SMCO4: variants seen among roughly 807,000 people sequenced by gnomAD.
SMCO4 encodes the protein single-pass membrane and coiled-coil domain-containing protein 4.
SMCO4 carries 4 observed loss-of-function variants against 3.6 expected under a neutral mutation model. The ratio of observed to expected loss-of-function variants is 1.11; its 90% CI spans 0.54 to 2.53. The LOEUF is 2.53. Ranked by LOEUF, SMCO4 falls within the 30% of genes most tolerant of loss-of-function variation. The probability of loss-of-function intolerance (pLI) is 0.02; values close to 1 mark genes in which losing one functional copy is unlikely to be tolerated. For synonymous variants in SMCO4, 36 were observed against 35.3 expected (o/e 1.02, Z -0.07); for missense variants, 70 against 80.8 (o/e 0.87, Z 0.51).
At chr11:93,551,160 G>A in the SMCO4 span, among the ~76,000 whole-genome samples, 2 of 151,880 alleles carry the variant, frequency 1.3e-5, no homozygotes, top group South Asian at 2.1e-4. Flanking sequence ...TCAGTGGAGA[G>A]AAAAAATGTA....
chr11:93,510,811 A>C (rs917236964), intron 1 of SMCO4, among the ~76,000 whole-genome samples: 4 of 152,172 alleles, frequency 2.6e-5, no homozygotes, highest in Non-Finnish European at 4.4e-5. Context: ...ATTAAAAGAC[A>C]AAAACAGGCC....
intron 2 of SMCO4, chr11:93,481,509 C>T (rs1948592684): frequency 1.0e-6 from 1 of 985,276 alleles, no homozygotes; most frequent in Admixed American, 6.2e-5. Context: ...CGAATTCGTG[C>T]TAGCTGACAT....
chr11:93,551,394 A>G, the SMCO4 span, among the ~76,000 whole-genome samples: 1 of 152,208 alleles, frequency 6.6e-6, no homozygotes, highest in South Asian at 2.1e-4. Flanking sequence ...TGTCTCGGAC[A>G]ATGATCAGGA....
At chr11:93,552,648 T>C in the SMCO4 span, among the ~76,000 whole-genome samples, 2 of 151,244 alleles carry the variant, frequency 1.3e-5, no homozygotes, top group African/African-American at 4.9e-5. Flanking sequence ...ATTTTTGTAT[T>C]TTTAGTAGAG....
chr11:93,505,038 T>A (rs1287334757), intron 1 of SMCO4, among the ~76,000 whole-genome samples: 1 of 152,212 alleles, frequency 6.6e-6, no homozygotes, highest in Non-Finnish European at 1.5e-5. Context: ...TTATTAAACA[T>A]GAGGCACTAA....
intron 1 of SMCO4, among the ~76,000 whole-genome samples, chr11:93,513,003 G>A (rs1037617329): frequency 2.0e-5 from 3 of 152,188 alleles, no homozygotes; most frequent in African/African-American, 7.2e-5. Flanking sequence ...GGCCCGAGAG[G>A]TGTGGGGAAA....
chr11:93,536,409 C>T (rs1376179446), intron 1 of SMCO4, among the ~76,000 whole-genome samples: 1 of 152,064 alleles, frequency 6.6e-6, no homozygotes, highest in East Asian at 1.9e-4. Context: ...CAGTAGGGGA[C>T]CAATTCATAA....
At chr11:93,501,759 GCCAA>G (rs1591312001) in intron 1 of SMCO4, among the ~76,000 whole-genome samples, 1 of 152,250 alleles carries the variant, frequency 6.6e-6, no homozygotes, top group East Asian at 1.9e-4. Context: ...CCACCATTTA[GCCAA>G]CTACGGCGGG....
intron 1 of SMCO4, among the ~76,000 whole-genome samples, chr11:93,522,311 G>C (rs1307240994): frequency 6.6e-6 from 1 of 152,132 alleles, no homozygotes; most frequent in Non-Finnish European, 1.5e-5. Context: ...TCCAGATCTT[G>C]GTCTATAAAA....
chr11:93,541,782 T>A (rs1949273285), intron 1 of SMCO4, among the ~76,000 whole-genome samples: 1 of 152,356 alleles, frequency 6.6e-6, no homozygotes. Context: ...TCATATTTTA[T>A]TTTAAATCTA....
At chr11:93,495,679 G>A (rs1043248700) in intron 2 of SMCO4, among the ~76,000 whole-genome samples, 1 of 152,166 alleles carries the variant, frequency 6.6e-6, no homozygotes, top group Non-Finnish European at 1.5e-5. Context: ...GGTGGGGGAT[G>A]GGGAGGTTGC....
intron 2 of SMCO4, chr11:93,481,340 G>T: frequency 1.4e-6 from 1 of 708,776 alleles, no homozygotes; most frequent in African/African-American, 1.9e-5. Context: ...GTACAGGTGG[G>T]CTGAGACATC....
chr11:93,481,363 C>T lies in SMCO4; in HGVS notation c.-80-2094G>A, dbSNP rs570980753. On this transcript the variant is annotated intron_variant, in intron 2 of 2. Transcript: ENST00000298966. ...GGGCTGAGACATCTCCACCCATACC[C>T]GTGGGCGGCCCAGGGACGGGTGCAC... is the stretch of plus-strand genomic sequence containing the variant. 4.3e-6 allele frequency: 4 copies of T among 921,562 alleles called. No individual in the cohort carries two copies. In the East Asian group the frequency reaches 3.5e-4, roughly 81 times the overall value. The allele number at this position is 921,562 out of a possible 1,614,324, so 57.1% of individuals were successfully genotyped here.
intron 1 of SMCO4, among the ~76,000 whole-genome samples, chr11:93,511,114 C>T (rs1171502717): frequency 6.6e-6 from 1 of 151,924 alleles, no homozygotes; most frequent in Non-Finnish European, 1.5e-5. Flanking sequence ...GGGACAAAAA[C>T]AAAAAGCCCA....
intron 2 of SMCO4, among the ~76,000 whole-genome samples, chr11:93,485,899 G>C (rs944650767): frequency 3.5e-4 from 53 of 152,312 alleles, no homozygotes; most frequent in African/African-American, 1.2e-3. Context: ...ATTCAGTAAA[G>C]TATGCTGTTG....
intron 1 of SMCO4, among the ~76,000 whole-genome samples, chr11:93,515,584 G>A (rs1949001200): frequency 6.6e-6 from 1 of 152,156 alleles, no homozygotes; most frequent in Non-Finnish European, 1.5e-5. Flanking sequence ...GGCCAGACAG[G>A]AGGGAATTTC....
intron 1 of SMCO4, among the ~76,000 whole-genome samples, chr11:93,518,260 T>C (rs947501390): frequency 7.2e-5 from 11 of 152,246 alleles, no homozygotes; most frequent in African/African-American, 2.2e-4. Flanking sequence ...TTTATGCAAG[T>C]TGTGGCATAC....
intron 2 of SMCO4, among the ~76,000 whole-genome samples, chr11:93,483,861 C>T (rs147916742): frequency 2.6e-5 from 4 of 152,276 alleles, no homozygotes; most frequent in African/African-American, 9.6e-5. Flanking sequence ...TGGGTGTACC[C>T]CACTTATCTT....
chr11:93,480,076 A>G (rs2134563758), intron 2 of SMCO4, among the ~76,000 whole-genome samples: 1 of 152,364 alleles, frequency 6.6e-6, no homozygotes, highest in South Asian at 2.1e-4. Flanking sequence ...AAATGTTTGG[A>G]TAACTACAGA....
Sources: allele counts gnomAD v4.1 joint callset (sites outside exome capture counted in the v4.1 genomes callset), GRCh38; gene constraint gnomAD v4.1.1; transcripts MANE v1.5; gene names NCBI Gene and HGNC (gene_info 2026-07-23, HGNC 2026-07-21).